Variants in EML6 observed in about 807,000 individuals in gnomAD.
EML6 encodes the protein EMAP like 6.
Under a neutral mutation model 240.1 loss-of-function variants are expected in EML6, and 154 were observed. The observed-to-expected ratio is 0.64, with a 90% CI of 0.56 to 0.73. EML6 has a LOEUF of 0.73. EML6 is among the 30% of genes least tolerant of loss of function. The pLI is 0.00. For missense variants in EML6, 2,964 were observed against 2,474.6 expected (o/e 1.20, Z -4.20); for synonymous variants, 1,148 against 899.0 (o/e 1.28, Z -4.95).
At chr2:54,905,549 A>G (rs1011312939) in intron 24 of EML6, among the ~76,000 whole-genome samples, 2 of 152,186 alleles carry the variant, frequency 1.3e-5, no homozygotes, top group Admixed American at 6.5e-5. Flanking sequence ...ACACATAACA[A>G]AAATGTACCA....
At position 54,968,212 on chromosome 2, in the gene EML6, C is replaced by T. The variant is rs1441638385; in HGVS notation, c.5682C>T (p.Gly1894=). ...DVNCACVTHA[G]LNIVTGDDFG... ...ACTGCGCATGTGTGACCCACGCTGGCCTGAACATTGTCACAGGAGATGACT... is the reference window on the plus strand; with the variant it reads ...ACTGCGCATGTGTGACCCACGCTGGTCTGAACATTGTCACAGGAGATGACT... Residue 1894 remains glycine, a synonymous_variant, in exon 40 of 42, where the codon GGC becomes GGT. Coordinates refer to ENST00000356458, the MANE Select transcript of EML6 (RefSeq NM_001039753.4). 1 of 1,551,628 alleles carries T rather than the reference C, an allele frequency of 6.4e-7. No individual in the cohort carries two copies. The highest frequency in any genetic ancestry group is 1.4e-5 in the African/African-American group (1 of 73,062).
At position 54,894,898 on chromosome 2, in the gene EML6, C is replaced by T. The variant is rs1558659912; in HGVS notation, c.2743-17C>T. On this transcript the variant is annotated splice_polypyrimidine_tract_variant and intron_variant, in intron 19 of 41. Coordinates refer to ENST00000356458, the MANE Select transcript of EML6 (RefSeq NM_001039753.4). ...ATTTTGATGTGTATATAATACCTCT[C>T]ATGTGTGCCTTCACAGGGCTTTGTA... The T allele has an allele frequency of 2.6e-6, 4 of 1,524,890 alleles. No individual in the cohort carries two copies. Among genetic ancestry groups the T allele is most frequent in the Admixed American group, 2.0e-5 (1 of 50,952 alleles). The allele number at this position is 1,524,890 out of a possible 1,614,324, so 94.5% of individuals were successfully genotyped here. A position where few individuals can be genotyped will look rare whatever the true frequency, so the allele number is the denominator to read the frequency against.
At chr2:54,820,707 T>C (rs1393139335) in intron 5 of EML6, among the ~76,000 whole-genome samples, 1 of 152,202 alleles carries the variant, frequency 6.6e-6, no homozygotes, top group Non-Finnish European at 1.5e-5. Context: ...AATTTTATGT[T>C]AATTAAATAT....
intron 2 of EML6, among the ~76,000 whole-genome samples, chr2:54,808,446 A>G (rs1670613007): frequency 1.3e-5 from 2 of 152,134 alleles, no homozygotes; most frequent in Non-Finnish European, 2.9e-5. Context: ...TGACATGGAA[A>G]AGCTGCTCTC....
chr2:54,813,176 G>C, intron 2 of EML6, 56 bp from the exon 3 acceptor site: 5 of 1,248,358 alleles, frequency 4.0e-6, no homozygotes, highest in Non-Finnish European at 5.6e-6. Flanking sequence ...TTGGATAAAA[G>C]GTGATCAGTG....
At chr2:54,957,753 C>T (rs751117242) in intron 32 of EML6, 37 bp from the exon 33 acceptor site, 55 of 1,541,042 alleles carry the variant, frequency 3.6e-5, no homozygotes, top group Non-Finnish European at 4.5e-5. Context: ...GCCCATGAAG[C>T]AATGAGGAGC....
chr2:54,950,664 C>A lies in EML6; in HGVS notation c.4098C>A (p.Asp1366Glu). ...KKKLVEELALDHVFGYRGFDC... is the reference protein window; with the variant it reads ...KKKLVEELALEHVFGYRGFDC... The stretch of plus-strand genomic sequence containing the variant: ...TGTGAATGCAGGAGCTGGCTCTAGA[C>A]CACGTGTTTGGCTACAGAGGTTTCG... The change falls in exon 30 of 42, where the codon GAC becomes GAA. Residue 1366 changes from aspartate (D) to glutamate (E), a missense_variant. Transcript: ENST00000356458. 6.4e-7 allele frequency: 1 copy of A among 1,551,626 alleles called. No homozygotes were observed. Among genetic ancestry groups the A allele is most frequent in the Non-Finnish European group, 8.7e-7 (1 of 1,146,954 alleles).
chr2:54,841,635 G>A lies in EML6; in HGVS notation c.848-2412G>A, dbSNP rs190615607. On this transcript the variant is annotated intron_variant, in intron 7 of 41. Transcript: ENST00000356458. ...GAGACAATCTTGCTCTGTCGCCCAG[G>A]CTGGAGTACAATGGCACAATCTCAG... Among the ~76,000 whole-genome samples, 395 of 139,076 alleles carry A rather than the reference G, an allele frequency of 2.8e-3. 3 individuals are homozygous for A. Among genetic ancestry groups the A allele is most frequent in the African/African-American group, 1.0e-2 (366 of 36,752 alleles). 91.2% of individuals were successfully genotyped at this position (139,076 alleles called of 152,430 possible). A position where few individuals can be genotyped will look rare whatever the true frequency, so the allele number is the denominator to read the frequency against.
At chr2:54,947,724 G>T (rs1675760114) in intron 28 of EML6, among the ~76,000 whole-genome samples, 1 of 152,240 alleles carries the variant, frequency 6.6e-6, no homozygotes, top group South Asian at 2.1e-4. Flanking sequence ...CACGGAGAGT[G>T]TGCGGGAAGC....
chr2:54,841,084 G>T (rs1669422615), intron 7 of EML6, among the ~76,000 whole-genome samples: 1 of 117,014 alleles, frequency 8.5e-6, no homozygotes, highest in African/African-American at 3.6e-5. Flanking sequence ...GGTAGGCAAA[G>T]AGATCAGGAC....
Position 54,971,208 on chromosome 2 carries a change from C to T in EML6, c.*1113C>T, listed in dbSNP as rs1676980396. ...AACAAATTGTAAACCCAAGGAATAG[C>T]TGGTAAATCAAAATTATAAAGTGAG... On this transcript the variant is annotated 3_prime_UTR_variant, in exon 42 of 42. Coordinates refer to ENST00000356458, the MANE Select transcript of EML6 (RefSeq NM_001039753.4). The T allele has an allele frequency of 6.6e-6, 1 of 152,196 alleles. No individual in the cohort carries two copies. Among genetic ancestry groups the T allele is most frequent in the Non-Finnish European group, 1.5e-5 (1 of 68,042 alleles). The allele number at this position is 152,196 out of a possible 1,614,324, so 9.4% of individuals were successfully genotyped here. A position where few individuals can be genotyped will look rare whatever the true frequency, so the allele number is the denominator to read the frequency against.
intron 2 of EML6, among the ~76,000 whole-genome samples, chr2:54,739,689 A>G (rs1217005180): frequency 6.6e-6 from 1 of 152,236 alleles, no homozygotes; most frequent in Non-Finnish European, 1.5e-5. Context: ...AAAGTGTGTG[A>G]GAGCCTCAGG....
rs554072813 is a variant in EML6 at position 54,829,396 on chromosome 2, G to C, written c.766G>C (p.Asp256His). 34 of 1,551,712 alleles carry C rather than the reference G, an allele frequency of 2.2e-5. No homozygotes were observed. The highest frequency in any genetic ancestry group is 4.1e-5 in the African/African-American group (3 of 73,038). ...CEEGFATGGRDGCIRLWDTDF... is the reference protein window; with the variant it reads ...CEEGFATGGRHGCIRLWDTDF... The stretch of plus-strand genomic sequence containing the variant: ...AGAAGGCTTTGCCACTGGTGGGCGA[G>C]ATGGGTGTATACGACTGTGGGACAC... Residue 256 changes from aspartate to histidine, a missense_variant, in exon 7 of 42, where the codon GAT becomes CAT. Asp to His is a moderately conservative substitution (Grantham distance 81, BLOSUM62 -1). Transcript: ENST00000356458.
intron 2 of EML6, among the ~76,000 whole-genome samples, chr2:54,736,742 C>T (rs998850934): frequency 1.3e-5 from 2 of 152,142 alleles, no homozygotes; most frequent in Non-Finnish European, 2.9e-5. Flanking sequence ...TCATTGTGGT[C>T]CCCTGGTTTT....
intron 2 of EML6, among the ~76,000 whole-genome samples, chr2:54,730,887 C>T (rs1385598924): frequency 1.3e-5 from 2 of 152,212 alleles, no homozygotes; most frequent in Non-Finnish European, 2.9e-5. Flanking sequence ...GACAAAGTTT[C>T]TGCCGCCTCG....
chr2:54,922,321 T>C (rs1452907851), intron 26 of EML6, among the ~76,000 whole-genome samples: 3 of 152,138 alleles, frequency 2.0e-5, no homozygotes, highest in Non-Finnish European at 4.4e-5. Flanking sequence ...ACATCACTTT[T>C]TAGGGAAATG....
At position 54,960,178 on chromosome 2, in the gene EML6, G is replaced by A. The variant is rs1440486440; in HGVS notation, c.4854-42G>A. ...GGGCCGGAGGGGGTAGTGGGTCTTA[G>A]GATGAGGGTTAACAGCCTGAGTCCC... On this transcript the variant is annotated intron_variant, in intron 34 of 41. Transcript: ENST00000356458. 15 of 1,418,240 alleles carry A rather than the reference G, an allele frequency of 1.1e-5. No homozygotes were observed. The Admixed American group carries it at 2.8e-4, about 26-fold the overall frequency. The allele number at this position is 1,418,240 out of a possible 1,614,324, so 87.9% of individuals were successfully genotyped here. A position where few individuals can be genotyped will look rare whatever the true frequency, so the allele number is the denominator to read the frequency against.
Position 54,960,305 on chromosome 2 carries a change from G to T in EML6, c.4939G>T (p.Glu1647Ter). 1.3e-6 allele frequency: 2 copies of T among 1,551,072 alleles called. No individual in the cohort carries two copies. Among genetic ancestry groups the T allele is most frequent in the Non-Finnish European group, 1.7e-6 (2 of 1,146,884 alleles). Residue 1647 changes from glutamate (E) to a stop codon, truncating the protein, a stop_gained, in exon 35 of 42, where the codon GAG (glutamate) becomes TAG (stop). Transcript: ENST00000356458. LOFTEE classifies it high-confidence loss of function. ...AFQLETGQLV[E>*]CVRSVCRGKG... is the part of the protein sequence containing the mutation. ...TCAGCTGGAGACCGGGCAGCTGGTGGAGTGTGTGCGCTCCGTGTGCCGTGG... is the reference window on the plus strand; with the variant it reads ...TCAGCTGGAGACCGGGCAGCTGGTGTAGTGTGTGCGCTCCGTGTGCCGTGG...
intron 3 of EML6, among the ~76,000 whole-genome samples, chr2:54,816,185 A>G (rs1006397277): frequency 2.0e-5 from 3 of 152,190 alleles, no homozygotes; most frequent in Admixed American, 6.5e-5. Context: ...GGTTTTGTAT[A>G]TAATCATGTG....
Sources: gnomAD v4.1 joint callset for allele counts (sites outside exome capture counted in the v4.1 genomes callset) on GRCh38, gnomAD v4.1.1 for gene constraint, MANE v1.5 for transcripts, NCBI Gene and HGNC (gene_info 2026-07-23, HGNC 2026-07-21) for gene names.